The following STX17 variants were observed in gnomAD, a reference collection of about 807,000 sequenced individuals.
STX17 encodes the protein syntaxin-17.
In STX17, 29 loss-of-function variants were observed where a neutral mutation model predicts 35.9. That is an observed-to-expected ratio of 0.81 (90% CI 0.60 to 1.10). STX17 has a LOEUF of 1.10. Ranked by LOEUF, STX17 falls within the 50% of genes least tolerant of loss-of-function variation. STX17 has a pLI of 0.00. For synonymous variants in STX17, 92 were observed against 118.3 expected (o/e 0.78, Z 1.44); for missense variants, 312 against 352.3 (o/e 0.89, Z 0.92).
chr9:99,930,486 C>G (rs1455910757), intron 3 of STX17, among the ~76,000 whole-genome samples: 1 of 151,408 alleles, frequency 6.6e-6, no homozygotes, highest in African/African-American at 2.4e-5. Flanking sequence ...CCAGGATGAT[C>G]TCGATCTCCT....
At chr9:99,927,640 A>G (rs1829015573) in intron 2 of STX17, among the ~76,000 whole-genome samples, 1 of 151,926 alleles carries the variant, frequency 6.6e-6, no homozygotes, top group Admixed American at 6.6e-5. Flanking sequence ...ATGCCCAGAT[A>G]ATTTTTTTGT....
intron 3 of STX17, among the ~76,000 whole-genome samples, chr9:99,933,323 G>A (rs2118394440): frequency 6.6e-6 from 1 of 152,172 alleles, no homozygotes; most frequent in Admixed American, 6.5e-5. Flanking sequence ...TCTTAATTAT[G>A]ACAGTTTTAA....
chr9:99,925,426 C>T (rs766538450), intron 2 of STX17, among the ~76,000 whole-genome samples: 2 of 151,970 alleles, frequency 1.3e-5, no homozygotes, highest in South Asian at 2.1e-4. Context: ...CATATGTATC[C>T]GTATGTGCCA....
At chr9:99,960,190 G>A (rs376542202) in intron 6 of STX17, 35 bp downstream of exon 6, 170 of 1,592,242 alleles carry the variant, frequency 1.1e-4, no homozygotes, top group East Asian at 2.2e-4. Flanking sequence ...CAGAATTGTT[G>A]GATTATTAGA....
At chr9:99,937,408 G>A (rs539693424) in intron 3 of STX17, among the ~76,000 whole-genome samples, 1 of 152,288 alleles carries the variant, frequency 6.6e-6, no homozygotes, top group East Asian at 1.9e-4. Flanking sequence ...TTAAAGTTAT[G>A]TGATAGCTCA....
At chr9:99,963,956 A>C (rs1415438726) in intron 6 of STX17, among the ~76,000 whole-genome samples, 1 of 152,148 alleles carries the variant, frequency 6.6e-6, no homozygotes, top group Non-Finnish European at 1.5e-5. Flanking sequence ...AAGATCTAAG[A>C]TTAGAACTTG....
intron 2 of STX17, among the ~76,000 whole-genome samples, chr9:99,923,538 A>G (rs1445820509): frequency 2.0e-5 from 3 of 152,158 alleles, no homozygotes; most frequent in African/African-American, 7.2e-5. Flanking sequence ...CTGTGACCAA[A>G]TGTGTGTGAG....
At position 99,969,884 on chromosome 9, in the gene STX17, C is replaced by G. The variant is rs570122753; in HGVS notation, c.*1211C>G. The G allele has an allele frequency of 6.6e-6, 1 of 152,644 alleles. No homozygotes were observed. Among genetic ancestry groups the G allele is most frequent in the Non-Finnish European group, 1.5e-5 (1 of 68,064 alleles). The allele number at this position is 152,644 out of a possible 1,614,324, so 9.5% of individuals were successfully genotyped here. ...ATGATGGACAAAGACGCATGCAAGA[C>G]TCAGACCCGGGGAATGGTGTGGTGC... On this transcript the variant is annotated 3_prime_UTR_variant, in exon 8 of 8. Transcript: ENST00000259400.
intron 3 of STX17, among the ~76,000 whole-genome samples, chr9:99,939,621 G>A (rs918281752): frequency 3.3e-5 from 5 of 152,098 alleles, no homozygotes; most frequent in Non-Finnish European, 7.4e-5. Flanking sequence ...TATTTAGAAG[G>A]CTTCTACCCT....
In STX17 at chr9:99,951,160, A is replaced by T. The variant is rs754843978; in HGVS notation, c.290A>T (p.Glu97Val). Residue 97 changes from glutamate (E) to valine (V), a missense_variant, in exon 4 of 8, where the codon GAA becomes GTA. Physicochemically the swap from Glu to Val is moderately radical, Grantham distance 121 (BLOSUM62 -2). Transcript: ENST00000259400. ...AGAATGATAGATCCTGTTAAAGAAG[A>T]AGCATCAGCAGCAACAGCAGAATTT... The part of the protein sequence containing the change: ...LKRMIDPVKE[E>V]ASAATAEFLQ... 4 of 1,613,140 alleles carry T rather than the reference A, an allele frequency of 2.5e-6. No homozygotes were observed. In the South Asian group the frequency reaches 4.4e-5, roughly 18 times the overall value.
At chr9:99,910,608 A>G (rs1197914183) in intron 1 of STX17, among the ~76,000 whole-genome samples, 1 of 152,252 alleles carries the variant, frequency 6.6e-6, no homozygotes, top group African/African-American at 2.4e-5. Context: ...TGATACATAC[A>G]TACAATGTGT....
rs1388829406 is a variant in STX17 at position 99,960,013 on chromosome 9, C to T, written c.512C>T (p.Ser171Leu). Residue 171 changes from serine (S) to leucine (L), a missense_variant, in exon 5 of 8, where the codon TCG becomes TTG. Physicochemically the swap from Ser to Leu is moderately radical, Grantham distance 145. Transcript: ENST00000259400. ...EIPQDQNAAESWETLEADLIE... is the reference protein window; with the variant it reads ...EIPQDQNAAELWETLEADLIE... ...CCTCAAGATCAAAATGCTGCAGAAT[C>T]GTGGGAAACCTTAGAAGCGGTATGT... 5 of 1,613,942 alleles carry T rather than the reference C, an allele frequency of 3.1e-6. No individual in the cohort carries two copies. The highest frequency in any genetic ancestry group is 1.7e-5 in the Admixed American group (1 of 59,990).
rs184201751 is a variant in STX17 at position 99,972,535 on chromosome 9, G to A, written c.*3862G>A. ...GATTTTGAGGTTATACTGAAACTGA[G>A]TGCTGTACAGGGAGAATTGCATGAG... On this transcript the variant is annotated 3_prime_UTR_variant, in exon 8 of 8. Coordinates refer to ENST00000259400, the MANE Select transcript of STX17 (RefSeq NM_017919.3). Among the ~76,000 whole-genome samples, 70 of 152,290 alleles carry A rather than the reference G, an allele frequency of 4.6e-4. No individual in the cohort carries two copies. Among genetic ancestry groups the A allele is most frequent in the Non-Finnish European group, 8.5e-4 (58 of 68,022 alleles).
chr9:99,932,952 T>A (rs1388230975), intron 3 of STX17, among the ~76,000 whole-genome samples: 1 of 152,208 alleles, frequency 6.6e-6, no homozygotes, highest in African/African-American at 2.4e-5. Context: ...AGTTCTTAAT[T>A]TAAATGTAGT....
At chr9:99,959,396 A>T (rs1196908315) in intron 4 of STX17, among the ~76,000 whole-genome samples, 15 of 151,686 alleles carry the variant, frequency 9.9e-5, no homozygotes, top group African/African-American at 2.2e-4. Flanking sequence ...CAAAAAAAAA[A>T]ATTTTAGAAA....
At chr9:99,958,440 C>T (rs1829757084) in intron 4 of STX17, among the ~76,000 whole-genome samples, 1 of 152,190 alleles carries the variant, frequency 6.6e-6, no homozygotes, top group African/African-American at 2.4e-5. Flanking sequence ...ATGGTAAGAT[C>T]TGTTAACAAT....
At chr9:99,916,503 C>G (rs1828778604) in intron 2 of STX17, among the ~76,000 whole-genome samples, 1 of 150,472 alleles carries the variant, frequency 6.6e-6, no homozygotes, top group Non-Finnish European at 1.5e-5. Context: ...GGTCATTAAG[C>G]CTTTCAATAT....
intron 2 of STX17, among the ~76,000 whole-genome samples, chr9:99,924,727 C>A (rs1013508214): frequency 6.6e-6 from 1 of 151,998 alleles, no homozygotes; most frequent in Non-Finnish European, 1.5e-5. Flanking sequence ...TTTTTTCTAG[C>A]CTTTGCCCCA....
intron 6 of STX17, among the ~76,000 whole-genome samples, chr9:99,960,557 C>T (rs10760705): frequency 0.4 from 61,154 of 151,870 alleles, 13,094 homozygotes; most frequent in East Asian, 0.7. Context: ...GATTTGCCTC[C>T]CTCAGCCTCC....
Sources: gnomAD v4.1 joint callset for allele counts (sites outside exome capture counted in the v4.1 genomes callset) on GRCh38, gnomAD v4.1.1 for gene constraint, MANE v1.5 for transcripts, NCBI Gene and HGNC (gene_info 2026-07-23, HGNC 2026-07-21) for gene names.